OR52I1: variants seen among roughly 807,000 people sequenced by gnomAD.
The protein encoded by OR52I1 is olfactory receptor 52I1.
For missense variants in OR52I1, 342 were observed against 399.1 expected (o/e 0.86, Z 1.22); for synonymous variants, 148 against 152.4 (o/e 0.97, Z 0.21).
rs138268579 is a variant in OR52I1 at position 4,594,947 on chromosome 11, A to G, written c.909A>G (p.Gln303=). The G allele has an allele frequency of 5.0e-6, 8 of 1,614,166 alleles. No individual in the cohort carries two copies. The African/African-American group carries it at 9.3e-5, about 19-fold the overall frequency. Residue 303 remains glutamine, a synonymous_variant, in exon 1 of 1, where the codon CAA becomes CAG. Transcript: ENST00000530443. ...TCATCTATGGCATGAGGACCAAACA[A>G]TTGCTGGAGGGAATATGGAGTTATC... The part of the protein sequence containing the change: ...NPIIYGMRTK[Q]LLEGIWSYLM...
rs1237084426 is a variant in OR52I1 at position 4,594,089 on chromosome 11, C to T, written c.51C>T (p.Leu17=). 6 of 1,614,076 alleles carry T rather than the reference C, an allele frequency of 3.7e-6. 1 individual carries two copies. Among genetic ancestry groups the T allele is most frequent in the Non-Finnish European group, 5.1e-6 (6 of 1,180,040 alleles). The part of the protein sequence containing the change: ...NHTMETPASF[L]LVGIPGLQSS... ...CAATGGAAACCCCTGCCTCCTTCCT[C>T]CTTGTGGGTATCCCAGGACTGCAAT... The change falls in exon 1 of 1, where the codon CTC becomes CTT. Residue 17 remains leucine, a synonymous_variant. Coordinates refer to ENST00000530443, the MANE Select transcript of OR52I1 (RefSeq NM_001005169.1).
chr11:4,594,098 T>G lies in OR52I1; in HGVS notation c.60T>G (p.Gly20=). Residue 20 remains glycine, a synonymous_variant, in exon 1 of 1, where the codon GGT becomes GGG. Coordinates refer to ENST00000530443, the MANE Select transcript of OR52I1 (RefSeq NM_001005169.1). The part of the protein sequence containing the change: ...METPASFLLV[G]IPGLQSSHLW... Reference sequence around the variant, plus strand: ...CCCCTGCCTCCTTCCTCCTTGTGGGTATCCCAGGACTGCAATCTTCACATC... The same window carrying G: ...CCCCTGCCTCCTTCCTCCTTGTGGGGATCCCAGGACTGCAATCTTCACATC... 6.2e-7 allele frequency: 1 copy of G among 1,614,190 alleles called. No homozygotes were observed. The highest frequency in any genetic ancestry group is 8.5e-7 in the Non-Finnish European group (1 of 1,180,010).
At position 4,594,987 on chromosome 11, in the gene OR52I1, T is replaced by C; in HGVS notation, c.949T>C (p.Phe317Leu). The change falls in exon 1 of 1, where the codon TTT becomes CTT. Residue 317 changes from phenylalanine to leucine, a missense_variant. Transcript: ENST00000530443. Reference protein sequence around the residue: ...GIWSYLMHFLFDHSNLGS With the variant: ...GIWSYLMHFLLDHSNLGS ...ATGGAGTTATCTGATGCACTTCCTC[T>C]TTGACCACTCCAACCTGGGTTCATG... The C allele has an allele frequency of 1.2e-6, 2 of 1,613,954 alleles. No individual in the cohort carries two copies. The highest frequency in any genetic ancestry group is 1.7e-6 in the Non-Finnish European group (2 of 1,179,894).
rs562564619 is a variant in OR52I1 at position 4,594,553 on chromosome 11, T to C, written c.515T>C (p.Phe172Ser). Residue 172 changes from phenylalanine (F) to serine (S), a missense_variant, in exon 1 of 1, where the codon TTC becomes TCC. Physicochemically the swap from Phe to Ser is radical, Grantham distance 155. Transcript: ENST00000530443. ...PLSWMMNHLP[F>S]CGSNVVVHSY... The stretch of plus-strand genomic sequence containing the variant: ...AGTTGGATGATGAATCATCTACCTT[T>C]CTGTGGCTCCAATGTGGTTGTCCAC... 57 of 1,614,056 alleles carry C rather than the reference T, an allele frequency of 3.5e-5. No homozygotes were observed. Among genetic ancestry groups the C allele is most frequent in the Non-Finnish European group, 4.7e-5 (56 of 1,180,046 alleles).
chr11:4,594,743 G>A lies in OR52I1; in HGVS notation c.705G>A (p.Lys235=), dbSNP rs894420538. 1 of 1,614,096 alleles carries A rather than the reference G, an allele frequency of 6.2e-7. No homozygotes were observed. Among genetic ancestry groups the A allele is most frequent in the Non-Finnish European group, 8.5e-7 (1 of 1,179,954 alleles). The change falls in exon 1 of 1, where the codon AAG becomes AAA. Residue 235 remains lysine, a synonymous_variant. Transcript: ENST00000530443. The part of the protein sequence containing the change: ...ILRAVFDLSS[K]TAQLKALSTC... Reference sequence around the variant, plus strand: ...GGGCAGTATTTGATCTCTCCTCAAAGACTGCTCAGTTGAAAGCATTAAGCA... The same window carrying A: ...GGGCAGTATTTGATCTCTCCTCAAAAACTGCTCAGTTGAAAGCATTAAGCA...
In OR52I1 at chr11:4,594,849, G is replaced by T; in HGVS notation, c.811G>T (p.Asp271Tyr). 1 of 1,614,224 alleles carries T rather than the reference G, an allele frequency of 6.2e-7. No individual in the cohort carries two copies. The highest frequency in any genetic ancestry group is 8.5e-7 in the Non-Finnish European group (1 of 1,180,036). Residue 271 changes from aspartate (D) to tyrosine (Y), a missense_variant, in exon 1 of 1, where the codon GAT becomes TAT. Physicochemically the swap from Asp to Tyr is radical, Grantham distance 160 (BLOSUM62 -3). Coordinates refer to ENST00000530443, the MANE Select transcript of OR52I1 (RefSeq NM_001005169.1). ...ASIYAAWLGQ[D>Y]IVPLHTQVLL... ...CATCTATGCGGCCTGGTTGGGGCAGGATATAGTGCCCTTGCACACCCAAGT... is the reference window on the plus strand; with the variant it reads ...CATCTATGCGGCCTGGTTGGGGCAGTATATAGTGCCCTTGCACACCCAAGT...
rs761174085 is a variant in OR52I1, at chr11:4,594,185, C to A, written c.147C>A (p.Ile49=). The change falls in exon 1 of 1, where the codon ATC becomes ATA. Residue 49 remains isoleucine, a synonymous_variant. Coordinates refer to ENST00000530443, the MANE Select transcript of OR52I1 (RefSeq NM_001005169.1). ...YITALLGNTL[I]VTAIWMDSTR... is the part of the protein sequence containing the mutation. ...CAGCCCTGTTAGGAAACACCCTCAT[C>A]GTGACTGCAATCTGGATGGATTCCA... 1.9e-6 allele frequency: 3 copies of A among 1,614,036 alleles called. No homozygotes were observed. Among genetic ancestry groups the A allele is most frequent in the Non-Finnish European group, 2.5e-6 (3 of 1,179,992 alleles).
Position 4,594,219 on chromosome 11 carries a change from G to C in OR52I1, c.181G>C (p.Glu61Gln). 1 of 1,614,070 alleles carries C rather than the reference G, an allele frequency of 6.2e-7. No individual in the cohort carries two copies. The highest frequency in any genetic ancestry group is 8.5e-7 in the Non-Finnish European group (1 of 1,180,002). The change falls in exon 1 of 1, where the codon GAG (glutamate) becomes CAG (glutamine). Residue 61 changes from glutamate to glutamine, a missense_variant. By Grantham distance (29) the Glu-to-Gln change is conservative (BLOSUM62 2). Transcript: ENST00000530443. ...AATCTGGATGGATTCCACTCGGCAT[G>C]AGCCCATGTATTGCTTTCTGTGTGT... is the stretch of plus-strand genomic sequence containing the variant. ...TAIWMDSTRH[E>Q]PMYCFLCVLA... is the part of the protein sequence containing the mutation.
rs1289020944 is a variant in OR52I1 at position 4,594,307 on chromosome 11, G to C, written c.269G>C (p.Cys90Ser). The stretch of plus-strand genomic sequence containing the variant: ...GTACCCAAGATGGTGAGCATCTTCT[G>C]CTCGGGAGACAGCTCCATCAGCTTT... ...SVVPKMVSIF[C>S]SGDSSISFSA... Residue 90 changes from cysteine to serine, a missense_variant, in exon 1 of 1, where the codon TGC becomes TCC. Transcript: ENST00000530443. 1 of 1,614,176 alleles carries C rather than the reference G, an allele frequency of 6.2e-7. No homozygotes were observed. The highest frequency in any genetic ancestry group is 1.7e-5 in the Admixed American group (1 of 60,028).
chr11:4,594,848 G>C lies in OR52I1; in HGVS notation c.810G>C (p.Gln270His). 3.7e-6 allele frequency: 6 copies of C among 1,614,226 alleles called. No homozygotes were observed. Among genetic ancestry groups the C allele is most frequent in the Non-Finnish European group, 5.1e-6 (6 of 1,180,038 alleles). ...MASIYAAWLG[Q>H]DIVPLHTQVL... ...CCATCTATGCGGCCTGGTTGGGGCAGGATATAGTGCCCTTGCACACCCAAG... is the reference window on the plus strand; with the variant it reads ...CCATCTATGCGGCCTGGTTGGGGCACGATATAGTGCCCTTGCACACCCAAG... The change falls in exon 1 of 1, where the codon CAG becomes CAC. Residue 270 changes from glutamine to histidine, a missense_variant. Gln to His is a conservative substitution (Grantham distance 24). Transcript: ENST00000530443.
chr11:4,594,388 G>C lies in OR52I1; in HGVS notation c.350G>C (p.Gly117Ala). Residue 117 changes from glycine (G) to alanine (A), a missense_variant, in exon 1 of 1, where the codon GGG becomes GCG. By Grantham distance (60) the Gly-to-Ala change is moderately conservative. Coordinates refer to ENST00000530443, the MANE Select transcript of OR52I1 (RefSeq NM_001005169.1). ...CACTTAGCCACAGCTGTGGAGACGG[G>C]GCTGCTGCTGACCATGGCTTTTGAC... Reference protein sequence around the residue: ...FVHLATAVETGLLLTMAFDRY... With the variant: ...FVHLATAVETALLLTMAFDRY... The C allele has an allele frequency of 6.2e-7, 1 of 1,614,080 alleles. No individual in the cohort carries two copies.
Position 4,594,737 on chromosome 11 carries a change from C to G in OR52I1, c.699C>G (p.Ser233=), listed in dbSNP as rs1038414253. ...TTCTCAGGGCAGTATTTGATCTCTCCTCAAAGACTGCTCAGTTGAAAGCAT... is the reference window on the plus strand; with the variant it reads ...TTCTCAGGGCAGTATTTGATCTCTCGTCAAAGACTGCTCAGTTGAAAGCAT... ...ILILRAVFDL[S]SKTAQLKALS... is the part of the protein sequence containing the mutation. Residue 233 remains serine (S), a synonymous_variant, in exon 1 of 1, where the codon TCC becomes TCG. Coordinates refer to ENST00000530443, the MANE Select transcript of OR52I1 (RefSeq NM_001005169.1). 7.4e-6 allele frequency: 12 copies of G among 1,613,958 alleles called. No homozygotes were observed. Among genetic ancestry groups the G allele is most frequent in the Non-Finnish European group, 9.3e-6 (11 of 1,179,944 alleles).
rs1185718040 is a variant in OR52I1 at position 4,594,793 on chromosome 11, T to C, written c.755T>C (p.Met252Thr). 13 of 1,614,090 alleles carry C rather than the reference T, an allele frequency of 8.1e-6. No homozygotes were observed. Among genetic ancestry groups the C allele is most frequent in the African/African-American group, 1.3e-5 (1 of 74,948 alleles). The change falls in exon 1 of 1, where the codon ATG becomes ACG. Residue 252 changes from methionine (M) to threonine (T), a missense_variant. Transcript: ENST00000530443. Reference sequence around the variant, plus strand: ...ACATGTGGCTCCCATGTGGGGGTTATGGCTTTGTACTATCTACCTGGGATG... The same window carrying C: ...ACATGTGGCTCCCATGTGGGGGTTACGGCTTTGTACTATCTACCTGGGATG... ...LSTCGSHVGV[M>T]ALYYLPGMAS...
Position 4,594,997 on chromosome 11 carries a change from C to A in OR52I1, c.959C>A (p.Ser320Tyr). The A allele has an allele frequency of 6.2e-7, 1 of 1,613,282 alleles. No individual in the cohort carries two copies. Among genetic ancestry groups the A allele is most frequent in the Non-Finnish European group, 8.5e-7 (1 of 1,179,538 alleles). The change falls in exon 1 of 1, where the codon TCC becomes TAC. Residue 320 changes from serine (S) to tyrosine (Y), a missense_variant. By Grantham distance (144) the Ser-to-Tyr change is moderately radical. Transcript: ENST00000530443. ...SYLMHFLFDH[S>Y]NLGS ...CTGATGCACTTCCTCTTTGACCACT[C>A]CAACCTGGGTTCATGAACACAATAT...
Position 4,594,302 on chromosome 11 carries a change from C to T in OR52I1, c.264C>T (p.Ile88=). The T allele has an allele frequency of 6.2e-7, 1 of 1,614,184 alleles. No homozygotes were observed. Among genetic ancestry groups the T allele is most frequent in the South Asian group, 1.1e-5 (1 of 91,086 alleles). Residue 88 remains isoleucine, a synonymous_variant, in exon 1 of 1, where the codon ATC becomes ATT. Transcript: ENST00000530443. ...ASSVVPKMVS[I]FCSGDSSISF... Reference sequence around the variant, plus strand: ...CCGTGGTACCCAAGATGGTGAGCATCTTCTGCTCGGGAGACAGCTCCATCA... The same window carrying T: ...CCGTGGTACCCAAGATGGTGAGCATTTTCTGCTCGGGAGACAGCTCCATCA...
At position 4,594,819 on chromosome 11, in the gene OR52I1, G is replaced by T. The variant is rs1204047314; in HGVS notation, c.781G>T (p.Ala261Ser). The T allele has an allele frequency of 2.5e-6, 4 of 1,614,192 alleles. 1 individual carries two copies. In the South Asian group the frequency reaches 4.4e-5, roughly 18 times the overall value. ...GGCTTTGTACTATCTACCTGGGATG[G>T]CATCCATCTATGCGGCCTGGTTGGG... ...VMALYYLPGM[A>S]SIYAAWLGQD... Residue 261 changes from alanine to serine, a missense_variant, in exon 1 of 1, where the codon GCA becomes TCA. By Grantham distance (99) the Ala-to-Ser change is moderately conservative. Transcript: ENST00000530443.
Sources: allele counts gnomAD v4.1 joint callset, GRCh38; gene constraint gnomAD v4.1.1; transcripts MANE v1.5; gene names NCBI Gene and HGNC (gene_info 2026-07-23, HGNC 2026-07-21).